The following LUZP2 variants were observed in gnomAD, a reference collection of about 807,000 sequenced individuals.
The protein encoded by LUZP2 is leucine zipper protein 2.
Under a neutral mutation model 51.6 loss-of-function variants are expected in LUZP2, and 52 were observed. That is an observed-to-expected ratio of 1.01 (90% CI 0.81 to 1.27). The LOEUF is 1.27. Ranked by LOEUF, LUZP2 falls within the 50% of genes most tolerant of loss-of-function variation. The probability of loss-of-function intolerance (pLI) is 0.00; values close to 1 mark genes in which losing one functional copy is unlikely to be tolerated. For synonymous variants in LUZP2, 154 were observed against 137.3 expected, an observed-to-expected ratio of 1.12 and a Z score of -0.85; for missense variants, 436 against 395.4, an observed-to-expected ratio of 1.10 and a Z score of -0.87.
chr11:24,992,818 T>C (rs917773034), intron 9 of LUZP2, among the ~76,000 whole-genome samples: 6 of 152,150 alleles, frequency 3.9e-5, no homozygotes, highest in Admixed American at 2.0e-4. Flanking sequence ...TGTATATCTG[T>C]GTTATTACAT....
At chr11:25,065,570 C>T (rs1240124390) in intron 10 of LUZP2, among the ~76,000 whole-genome samples, 5 of 151,986 alleles carry the variant, frequency 3.3e-5, no homozygotes, top group Non-Finnish European at 7.4e-5. Context: ...AACATAGATT[C>T]CGTCACCCAC....
chr11:24,523,147 A>T lies in LUZP2; in HGVS notation c.62+25842A>T, dbSNP rs570237740. Among the ~76,000 whole-genome samples the T allele has an allele frequency of 2.6e-5, 4 of 152,150 alleles. No homozygotes were observed. In the South Asian group the frequency reaches 8.3e-4, roughly 32 times the overall value. ...GTTCTACAGTGAGAATTCTTCTGGAATGTGCTTTTATTATATCCTGCCATT... is the reference window on the plus strand; with the variant it reads ...GTTCTACAGTGAGAATTCTTCTGGATTGTGCTTTTATTATATCCTGCCATT... On this transcript the variant is annotated intron_variant, in intron 1 of 11. Transcript: ENST00000336930.
intron 1 of LUZP2, among the ~76,000 whole-genome samples, chr11:24,623,750 G>C (rs1039851250): frequency 6.6e-6 from 1 of 152,184 alleles, no homozygotes. Context: ...GGGAGGCTGA[G>C]GCAGGAGAAT....
At chr11:24,817,088 GCA>G (rs1252326752) in intron 5 of LUZP2, among the ~76,000 whole-genome samples, 1 of 151,970 alleles carries the variant, frequency 6.6e-6, no homozygotes, top group Non-Finnish European at 1.5e-5. Flanking sequence ...TTCAGAGTAG[GCA>G]TCATTCTTTG....
At chr11:24,938,684 T>A (rs1263496512) in intron 7 of LUZP2, among the ~76,000 whole-genome samples, 1 of 152,188 alleles carries the variant, frequency 6.6e-6, no homozygotes, top group Non-Finnish European at 1.5e-5. Flanking sequence ...AGGAAAATGA[T>A]ACCATATTAA....
intron 6 of LUZP2, among the ~76,000 whole-genome samples, chr11:24,909,715 T>C (rs779616565): frequency 4.6e-5 from 7 of 152,170 alleles, no homozygotes; most frequent in Non-Finnish European, 7.4e-5. Context: ...TCCCCAGCCA[T>C]GTGGAATTGT....
chr11:24,695,581 A>G (rs1248078211), intron 1 of LUZP2, among the ~76,000 whole-genome samples: 2 of 151,954 alleles, frequency 1.3e-5, no homozygotes, highest in African/African-American at 2.4e-5. Flanking sequence ...ATCTCACTGT[A>G]ATTTTTTTAC....
intron 9 of LUZP2, among the ~76,000 whole-genome samples, chr11:25,040,244 T>A (rs1360951903): frequency 6.6e-6 from 1 of 152,012 alleles, no homozygotes; most frequent in African/African-American, 2.4e-5. Context: ...AATGACTTGC[T>A]TGGCCATAAA....
At chr11:24,966,612 G>C (rs952083406) in intron 7 of LUZP2, among the ~76,000 whole-genome samples, 1 of 148,308 alleles carries the variant, frequency 6.7e-6, no homozygotes. Flanking sequence ...CATGCATTAC[G>C]TTTATATATA....
chr11:24,652,941 CT>C (rs1855675664), intron 1 of LUZP2, among the ~76,000 whole-genome samples: 1 of 152,066 alleles, frequency 6.6e-6, no homozygotes, highest in Admixed American at 6.5e-5. Context: ...TTATTGGATT[CT>C]TTTTGCTACA....
intron 9 of LUZP2, among the ~76,000 whole-genome samples, chr11:24,984,605 G>T (rs1219084512): frequency 7.2e-6 from 1 of 139,806 alleles, no homozygotes; most frequent in Non-Finnish European, 1.5e-5. Flanking sequence ...AAATTGCAAG[G>T]GTTTACTAGA....
At chr11:24,559,917 A>G (rs540664545) in intron 1 of LUZP2, among the ~76,000 whole-genome samples, 7 of 152,288 alleles carry the variant, frequency 4.6e-5, no homozygotes, top group African/African-American at 1.7e-4. Context: ...TAGGGAGGGT[A>G]GACCCTTTAG....
chr11:24,756,157 C>T (rs1859766332), intron 4 of LUZP2, among the ~76,000 whole-genome samples: 1 of 152,154 alleles, frequency 6.6e-6, no homozygotes, highest in Non-Finnish European at 1.5e-5. Flanking sequence ...GACCTGAAAG[C>T]CACATCTTCT....
intron 1 of LUZP2, among the ~76,000 whole-genome samples, chr11:24,622,526 T>G (rs1416130582): frequency 6.6e-6 from 1 of 152,132 alleles, no homozygotes; most frequent in Non-Finnish European, 1.5e-5. Flanking sequence ...ACAAACTTTA[T>G]TCAGGTAGAT....
chr11:25,018,043 T>TTTG (rs1554955723), intron 9 of LUZP2, among the ~76,000 whole-genome samples: 1,631 of 30,734 alleles, frequency 0.053, 32 homozygotes, highest in South Asian at 0.2. Flanking sequence ...TTCTGTTTTT[T>TTTG]TTTTGTTTTT....
At chr11:24,702,865 T>A (rs1857458284) in intron 1 of LUZP2, among the ~76,000 whole-genome samples, 1 of 152,152 alleles carries the variant, frequency 6.6e-6, no homozygotes, top group Non-Finnish European at 1.5e-5. Context: ...TTGAGTGCAA[T>A]CAAAGAGAAG....
intron 5 of LUZP2, among the ~76,000 whole-genome samples, chr11:24,772,701 C>T (rs1317906562): frequency 1.3e-5 from 2 of 152,128 alleles, no homozygotes; most frequent in African/African-American, 4.8e-5. Flanking sequence ...TCTCTCAATT[C>T]TGGAGGCTAC....
intron 9 of LUZP2, among the ~76,000 whole-genome samples, chr11:24,999,643 G>T (rs1214308904): frequency 1.3e-5 from 2 of 152,124 alleles, no homozygotes; most frequent in African/African-American, 2.4e-5. Context: ...GAGATTACAG[G>T]TGTGAGCCTC....
chr11:24,538,249 C>A (rs1270928767), intron 1 of LUZP2, among the ~76,000 whole-genome samples: 1 of 151,764 alleles, frequency 6.6e-6, no homozygotes, highest in South Asian at 2.1e-4. Flanking sequence ...TAATGAACTA[C>A]TAGATATACA....
Sources: gnomAD v4.1 joint callset for allele counts (sites outside exome capture counted in the v4.1 genomes callset) on GRCh38, gnomAD v4.1.1 for gene constraint, MANE v1.5 for transcripts, NCBI Gene and HGNC (gene_info 2026-07-23, HGNC 2026-07-21) for gene names.